The following PCDHA11 variants were observed in gnomAD, a reference collection of about 807,000 sequenced individuals.
PCDHA11 encodes protocadherin alpha 11.
Under a neutral mutation model 70.3 loss-of-function variants are expected in PCDHA11, and 61 were observed. The observed-to-expected ratio is 0.87, with a 90% CI of 0.71 to 1.07. The LOEUF (loss-of-function observed/expected upper bound fraction) is 1.07, where lower values mean the gene tolerates loss of function less well. Ranked by LOEUF, PCDHA11 falls within the 50% of genes least tolerant of loss-of-function variation. The pLI, the probability that PCDHA11 is intolerant of heterozygous loss-of-function variation, is 0.00. For synonymous variants in PCDHA11, 633 were observed against 555.1 expected, an observed-to-expected ratio of 1.14 and a Z score of -1.97; for missense variants, 1,324 against 1,237.5, an observed-to-expected ratio of 1.07 and a Z score of -1.05.
intron 1 of PCDHA11, among the ~76,000 whole-genome samples, chr5:140,952,097 G>A (rs1385693579): frequency 1.3e-5 from 2 of 152,066 alleles, no homozygotes; most frequent in East Asian, 3.9e-4. Context: ...CACATCCAGG[G>A]CACACTCGTG....
chr5:140,883,494 T>C, intron 1 of PCDHA11: 1 of 1,614,208 alleles, frequency 6.2e-7, no homozygotes, highest in Non-Finnish European at 8.5e-7. Flanking sequence ...TCATTAGTGC[T>C]GGACAGCGCC....
In PCDHA11 at chr5:140,870,260, G is replaced by T. The variant is rs782261095; in HGVS notation, c.1157G>T (p.Cys386Phe). The T allele has an allele frequency of 2.0e-5, 32 of 1,614,082 alleles. No individual in the cohort carries two copies. The highest frequency in any genetic ancestry group is 3.3e-4 in the Middle Eastern group (2 of 6,082). The change falls in exon 1 of 4, where the codon TGC becomes TTC. Residue 386 changes from cysteine (C) to phenylalanine (F), a missense_variant. Coordinates refer to ENST00000398640, the MANE Select transcript of PCDHA11 (RefSeq NM_018902.5). ...RDSGVNGQVT[C>F]SLTPHVPFKL... is the part of the protein sequence containing the mutation. ...TCAGGTGTCAACGGACAGGTGACCT[G>T]CTCGCTGACGCCCCACGTTCCCTTC...
chr5:140,954,383 T>C (rs1333017700), intron 1 of PCDHA11, among the ~76,000 whole-genome samples: 6 of 152,208 alleles, frequency 3.9e-5, no homozygotes, highest in African/African-American at 1.4e-4. Context: ...ATGAGTGAAC[T>C]AATTTACAAC....
intron 3 of PCDHA11, among the ~76,000 whole-genome samples, chr5:141,002,223 T>C (rs2098066619): frequency 6.6e-6 from 1 of 151,974 alleles, no homozygotes. Flanking sequence ...AAATGATGGG[T>C]TTTCTGGAAG....
intron 1 of PCDHA11, among the ~76,000 whole-genome samples, chr5:140,938,890 C>T (rs979482011): frequency 5.9e-5 from 9 of 152,080 alleles, no homozygotes; most frequent in Non-Finnish European, 8.8e-5. Flanking sequence ...CACACACACA[C>T]AGATGCGCAC....
intron 1 of PCDHA11, chr5:140,877,641 C>T (rs548787462): frequency 1.9e-6 from 3 of 1,613,592 alleles, no homozygotes; most frequent in Non-Finnish European, 2.5e-6. Context: ...CGCTGCGTTG[C>T]TCAGCGCCGC....
chr5:140,929,697 T>G (rs2086305900), intron 1 of PCDHA11: 1 of 266,272 alleles, frequency 3.8e-6, no homozygotes, highest in African/African-American at 2.2e-5. Flanking sequence ...CTGCTTTATA[T>G]GAATATAATA....
chr5:140,991,139 G>GT (rs1563571112), intron 3 of PCDHA11, among the ~76,000 whole-genome samples: 3 of 152,126 alleles, frequency 2.0e-5, no homozygotes, highest in Non-Finnish European at 4.4e-5. Flanking sequence ...TAGTAAAAAT[G>GT]TTTTTTGCTC....
intron 3 of PCDHA11, among the ~76,000 whole-genome samples, chr5:140,995,389 G>T (rs1377788418): frequency 6.6e-6 from 1 of 152,190 alleles, no homozygotes; most frequent in Non-Finnish European, 1.5e-5. Context: ...GCAGGATAAA[G>T]CGGGATGGCT....
At chr5:140,923,275 C>T (rs1296197801) in intron 1 of PCDHA11, among the ~76,000 whole-genome samples, 1 of 152,128 alleles carries the variant, frequency 6.6e-6, no homozygotes, top group African/African-American at 2.4e-5. Flanking sequence ...CTTGTCTCTA[C>T]AAAAAATTAA....
In PCDHA11 at chr5:141,010,195, C is replaced by G. The variant is rs753472247; in HGVS notation, c.*258C>G. 6.4e-7 allele frequency: 1 copy of G among 1,552,256 alleles called. No homozygotes were observed. The highest frequency in any genetic ancestry group is 8.7e-7 in the Non-Finnish European group (1 of 1,147,132). Reference sequence around the variant, plus strand: ...TAAAAAGCAGACCCAAGTTTCCTTTCTCCTCCGCCGCAAAGGAGAGGCTTC... The same window carrying G: ...TAAAAAGCAGACCCAAGTTTCCTTTGTCCTCCGCCGCAAAGGAGAGGCTTC... On this transcript the variant is annotated 3_prime_UTR_variant, in exon 4 of 4. Coordinates refer to ENST00000398640, the MANE Select transcript of PCDHA11 (RefSeq NM_018902.5).
At chr5:140,968,580 C>T (rs782395602) in intron 1 of PCDHA11, 1 of 1,614,218 alleles carries the variant, frequency 6.2e-7, no homozygotes, top group Admixed American at 1.7e-5. Context: ...TACCTGGTCA[C>T]CAAAGTCATA....
chr5:140,910,708 A>G (rs1227801513), intron 1 of PCDHA11, among the ~76,000 whole-genome samples: 2 of 152,164 alleles, frequency 1.3e-5, no homozygotes, highest in African/African-American at 4.8e-5. Context: ...ACAGTGGGCC[A>G]TCTTTTAATC....
At chr5:140,896,827 T>G (rs1193967071) in intron 1 of PCDHA11, among the ~76,000 whole-genome samples, 1 of 152,214 alleles carries the variant, frequency 6.6e-6, no homozygotes, top group African/African-American at 2.4e-5. Flanking sequence ...TGTTCATAGT[T>G]GTTTTTATTT....
At chr5:140,946,202 A>T (rs2093901656) in intron 1 of PCDHA11, among the ~76,000 whole-genome samples, 1 of 152,118 alleles carries the variant, frequency 6.6e-6, no homozygotes, top group Non-Finnish European at 1.5e-5. Context: ...AAAAGAAAGC[A>T]CACAAATGAC....
chr5:140,898,905 C>T (rs1313193763), intron 1 of PCDHA11, among the ~76,000 whole-genome samples: 5 of 152,060 alleles, frequency 3.3e-5, no homozygotes, highest in South Asian at 2.1e-4. Context: ...AGGTCCTTCA[C>T]GTCCCTTGTA....
At chr5:140,955,397 A>T (rs1470827673) in intron 1 of PCDHA11, among the ~76,000 whole-genome samples, 19 of 152,128 alleles carry the variant, frequency 1.2e-4, no homozygotes, top group Admixed American at 1.1e-3. Context: ...CAATTATCCC[A>T]TACAGTTCTC....
At position 140,944,281 on chromosome 5, in the gene PCDHA11, G is replaced by A. The variant is rs987563636; in HGVS notation, c.2392-34668G>A. ...CTGCTCACTGCAGCCTTGACACCCC[G>A]GGCTCAAGCGATCCTCCTACCTCAG... On this transcript the variant is annotated intron_variant, in intron 1 of 3. Coordinates refer to ENST00000398640, the MANE Select transcript of PCDHA11 (RefSeq NM_018902.5). Among the ~76,000 whole-genome samples, 18 of 152,138 alleles carry A rather than the reference G, an allele frequency of 1.2e-4. No individual in the cohort carries two copies. The Middle Eastern group carries it at 0.014, about 115-fold the overall frequency.
chr5:140,924,830 G>T (rs1240824600), intron 1 of PCDHA11, among the ~76,000 whole-genome samples: 3 of 151,612 alleles, frequency 2.0e-5, no homozygotes, highest in Non-Finnish European at 4.4e-5. Flanking sequence ...GGGAGGGGGA[G>T]GTTGCAGGGA....
Sources: allele counts gnomAD v4.1 joint callset (sites outside exome capture counted in the v4.1 genomes callset), GRCh38; gene constraint gnomAD v4.1.1; transcripts MANE v1.5; gene names NCBI Gene and HGNC (gene_info 2026-07-23, HGNC 2026-07-21).